Variants in CACNA2D3 observed in about 807,000 individuals in gnomAD.
The protein encoded by CACNA2D3 is calcium voltage-gated channel auxiliary subunit alpha2delta 3.
A neutral mutation model predicts 160.6 loss-of-function variants in CACNA2D3; 60 were observed. The ratio of observed to expected loss-of-function variants is 0.37; its 90% confidence interval spans 0.30 to 0.46. CACNA2D3 has a LOEUF of 0.46. Ranked by LOEUF, CACNA2D3 falls within the 20% of genes least tolerant of loss-of-function variation. The pLI, the probability that CACNA2D3 is intolerant of heterozygous loss-of-function variation, is 1.00. For missense variants in CACNA2D3, 1,205 were observed against 1,365.0 expected, an observed-to-expected ratio of 0.88 and a Z score of 1.85; for synonymous variants, 558 against 492.9, an observed-to-expected ratio of 1.13 and a Z score of -1.75.
chr3:54,860,623 G>C (rs1699270007), intron 17 of CACNA2D3, among the ~76,000 whole-genome samples: 1 of 152,176 alleles, frequency 6.6e-6, no homozygotes, highest in African/African-American at 2.4e-5. Flanking sequence ...GGAATTCTAG[G>C]GACCTGGTTA....
chr3:54,527,970 CT>C (rs879741035), intron 5 of CACNA2D3, among the ~76,000 whole-genome samples: 2 of 152,072 alleles, frequency 1.3e-5, no homozygotes, highest in African/African-American at 4.8e-5. Context: ...GTTTTTTCTT[CT>C]TTTTTTAATA....
At chr3:54,276,627 A>G (rs1702746594) in intron 2 of CACNA2D3, among the ~76,000 whole-genome samples, 2 of 151,880 alleles carry the variant, frequency 1.3e-5, no homozygotes, top group South Asian at 2.1e-4. Flanking sequence ...GAGAGAGTCC[A>G]TGCTGATTGT....
chr3:54,822,827 CTTTCTTT>C (rs1559595820), intron 14 of CACNA2D3, among the ~76,000 whole-genome samples: 47 of 87,608 alleles, frequency 5.4e-4, no homozygotes, highest in African/African-American at 2.5e-3. Flanking sequence ...TTCTTTCTTT[CTTTCTTT>C]TCTTTCTTTC....
chr3:54,780,392 A>G (rs536715048), intron 13 of CACNA2D3, among the ~76,000 whole-genome samples: 3 of 152,320 alleles, frequency 2.0e-5, no homozygotes, highest in South Asian at 2.1e-4. Flanking sequence ...GTTGGGGAAA[A>G]GATTGATTGC....
intron 1 of CACNA2D3, 72 bp downstream of exon 1, chr3:54,122,907 C>G: frequency 8.5e-7 from 1 of 1,177,534 alleles, no homozygotes. Flanking sequence ...CAAGTTTGGG[C>G]GCCTGCAGGT....
At chr3:54,964,789 C>T (rs1657396098) in intron 27 of CACNA2D3, among the ~76,000 whole-genome samples, 2 of 150,624 alleles carry the variant, frequency 1.3e-5, no homozygotes, top group South Asian at 4.2e-4. Flanking sequence ...TGTTTATTTG[C>T]TTGTTTGTTG....
At chr3:54,765,529 A>G (rs1431332526) in intron 13 of CACNA2D3, among the ~76,000 whole-genome samples, 1 of 152,220 alleles carries the variant, frequency 6.6e-6, no homozygotes, top group African/African-American at 2.4e-5. Flanking sequence ...TGTTGGCACC[A>G]TATTAACAAT....
At chr3:55,043,324 C>CTCTTTCTT (rs534667609) in intron 35 of CACNA2D3, among the ~76,000 whole-genome samples, 12 of 145,014 alleles carry the variant, frequency 8.3e-5, no homozygotes, top group African/African-American at 3.0e-4. Context: ...CTCCCTCCCT[C>CTCTTTCTT]TCTTTCTTTC....
intron 4 of CACNA2D3, among the ~76,000 whole-genome samples, chr3:54,485,053 G>T (rs1004475047): frequency 1.1e-4 from 17 of 152,056 alleles, no homozygotes; most frequent in African/African-American, 3.9e-4. Flanking sequence ...CATCGTGTTG[G>T]CCAGGCTGGT....
chr3:54,695,744 C>T (rs968977097), intron 11 of CACNA2D3, among the ~76,000 whole-genome samples: 6 of 152,138 alleles, frequency 3.9e-5, no homozygotes, highest in African/African-American at 1.4e-4. Flanking sequence ...CTTTTGCCTC[C>T]ACTTTTGTTT....
Position 54,204,795 on chromosome 3 carries a change from T to TG in CACNA2D3, c.204+81202dup, listed in dbSNP as rs199942137. Among the ~76,000 whole-genome samples, 137 of 51,924 alleles carry TG rather than the reference T, an allele frequency of 2.6e-3. 12 individuals are homozygous for TG. The Middle Eastern group carries it at 0.043, about 16-fold the overall frequency. The allele number at this position is 51,924 out of a possible 152,430, so 34.1% of individuals were successfully genotyped here. A position where few individuals can be genotyped will look rare whatever the true frequency, so the allele number is the denominator to read the frequency against. ...TGGGTGACAGAGCAAGATGCTGTCT[T>TG]GAAAAAAAAAAAAAAAAAAAAAAAA... On this transcript the variant is annotated intron_variant, in intron 2 of 37. Coordinates refer to ENST00000474759, the MANE Select transcript of CACNA2D3 (RefSeq NM_018398.3).
chr3:54,174,732 A>G (rs1203305230), intron 2 of CACNA2D3, among the ~76,000 whole-genome samples: 3 of 152,150 alleles, frequency 2.0e-5, no homozygotes, highest in South Asian at 4.1e-4. Flanking sequence ...TCACCGTGTT[A>G]GCCAGGATGG....
At chr3:54,609,669 A>G (rs1698708502) in intron 9 of CACNA2D3, among the ~76,000 whole-genome samples, 1 of 152,198 alleles carries the variant, frequency 6.6e-6, no homozygotes, top group Non-Finnish European at 1.5e-5. Context: ...ATGACAAATG[A>G]AAAAAATTTT....
intron 17 of CACNA2D3, among the ~76,000 whole-genome samples, chr3:54,871,202 CACACACACACACACACACACA>C (rs1699521873): frequency 6.9e-6 from 1 of 144,544 alleles, no homozygotes; most frequent in Non-Finnish European, 1.5e-5. Context: ...CACACACACA[CACACACACACACACACACACA>C]CCCCCCATTC....
intron 11 of CACNA2D3, among the ~76,000 whole-genome samples, chr3:54,687,123 T>TTTTC (rs1238825718): frequency 2.5e-4 from 8 of 31,448 alleles, no homozygotes; most frequent in South Asian, 7.2e-4. Flanking sequence ...TTCTTTTTCT[T>TTTTC]TTTTTTTTTT....
intron 2 of CACNA2D3, among the ~76,000 whole-genome samples, chr3:54,284,601 C>G (rs748859011): frequency 6.6e-6 from 1 of 152,078 alleles, no homozygotes; most frequent in Non-Finnish European, 1.5e-5. Flanking sequence ...CTAATATACT[C>G]TGAACAGTAA....
intron 27 of CACNA2D3, among the ~76,000 whole-genome samples, chr3:54,910,104 G>A (rs761438032): frequency 3.9e-5 from 6 of 152,114 alleles, no homozygotes; most frequent in Non-Finnish European, 8.8e-5. Flanking sequence ...AGGATGTTAG[G>A]ATCAATGCCT....
chr3:54,334,383 T>C (rs1704330764), intron 3 of CACNA2D3, among the ~76,000 whole-genome samples: 1 of 152,176 alleles, frequency 6.6e-6, no homozygotes, highest in African/African-American at 2.4e-5. Context: ...TATGCAGACT[T>C]TGATGCACTT....
chr3:54,438,164 G>A (rs1700088164), intron 4 of CACNA2D3, among the ~76,000 whole-genome samples: 1 of 152,190 alleles, frequency 6.6e-6, no homozygotes, highest in African/African-American at 2.4e-5. Context: ...CTCTTTGCAT[G>A]AGGAAAACTG....
Sources: gnomAD v4.1 joint callset for allele counts (sites outside exome capture counted in the v4.1 genomes callset) on GRCh38, gnomAD v4.1.1 for gene constraint, MANE v1.5 for transcripts, NCBI Gene and HGNC (gene_info 2026-07-23, HGNC 2026-07-21) for gene names.